The following HECA variants were observed in gnomAD, a reference collection of about 807,000 sequenced individuals.
The protein encoded by HECA is headcase protein homolog.
HECA carries 13 observed loss-of-function variants against 37.6 expected under a neutral mutation model. The ratio of observed to expected loss-of-function variants is 0.35; its 90% CI spans 0.23 to 0.55. HECA has a LOEUF of 0.55. HECA is among the 20% of genes least tolerant of loss of function. The pLI, the probability that HECA is intolerant of heterozygous loss-of-function variation, is 0.90. For missense variants in HECA, 527 were observed against 701.9 expected, an observed-to-expected ratio of 0.75 and a Z score of 2.82; for synonymous variants, 307 against 291.5, an observed-to-expected ratio of 1.05 and a Z score of -0.54.
chr6:139,149,198 C>T (rs1289132816), intron 1 of HECA, among the ~76,000 whole-genome samples: 1 of 152,142 alleles, frequency 6.6e-6, no homozygotes, highest in East Asian at 1.9e-4. Context: ...TCCAGGGAGC[C>T]TTTGTGCCTT....
At chr6:139,155,888 G>T (rs972249587) in intron 1 of HECA, 1 of 152,146 alleles carries the variant, frequency 6.6e-6, no homozygotes, top group Non-Finnish European at 1.5e-5. Context: ...TTCACATTGT[G>T]TGCAAAATTT....
rs560779466 is a variant in HECA, at chr6:139,136,641, G to GA, written c.271+974_271+975insA. 2.1e-5 allele frequency among the ~76,000 whole-genome samples: 3 copies of GA among 142,496 alleles called. No individual in the cohort carries two copies. The East Asian group carries it at 6.0e-4, about 29-fold the overall frequency. 93.5% of individuals were successfully genotyped at this position (142,496 alleles called of 152,430 possible). A position where few individuals can be genotyped will look rare whatever the true frequency, so the allele number is the denominator to read the frequency against. ...TGTAGATCAGGCACTTTTTTGTTTTGTTTTTTTTTTTTTAGACGGAGTTTG... is the reference window on the plus strand; with the variant it reads ...TGTAGATCAGGCACTTTTTTGTTTTGATTTTTTTTTTTTTAGACGGAGTTTG... On this transcript the variant is annotated intron_variant, in intron 1 of 3. Coordinates refer to ENST00000367658, the MANE Select transcript of HECA (RefSeq NM_016217.3).
At chr6:139,166,259 T>C in intron 1 of HECA, 25 bp from the exon 2 acceptor site, 1 of 1,551,120 alleles carries the variant, frequency 6.4e-7, no homozygotes, top group Non-Finnish European at 8.7e-7. Context: ...ATCTGAAATC[T>C]GTTCTCTCTT....
At chr6:139,156,089 G>A (rs1240004503) in intron 1 of HECA, among the ~76,000 whole-genome samples, 1 of 151,934 alleles carries the variant, frequency 6.6e-6, no homozygotes, top group Admixed American at 6.6e-5. Context: ...ATACTAACTT[G>A]TGGCAGTATT....
In HECA at chr6:139,135,492, G is replaced by T; in HGVS notation, c.96G>T (p.Ala32=). ...AAAATGGAGCCGGGGCCCTGGCAGC[G>T]GCGGGCGCGGCGGGAGCGGCGGCCG... is the stretch of plus-strand genomic sequence containing the variant. ...EQENGAGALA[A]AGAAGAAAGG... The change falls in exon 1 of 4, where the codon GCG becomes GCT. Residue 32 remains alanine, a synonymous_variant. Coordinates refer to ENST00000367658, the MANE Select transcript of HECA (RefSeq NM_016217.3). 8.6e-7 allele frequency: 1 copy of T among 1,162,024 alleles called. No individual in the cohort carries two copies. The highest frequency in any genetic ancestry group is 5.6e-5 in the East Asian group (1 of 17,854). 72.0% of individuals were successfully genotyped at this position (1,162,024 alleles called of 1,614,324 possible). A position where few individuals can be genotyped will look rare whatever the true frequency, so the allele number is the denominator to read the frequency against.
chr6:139,165,056 G>A (rs1774864140), intron 1 of HECA, among the ~76,000 whole-genome samples: 1 of 152,148 alleles, frequency 6.6e-6, no homozygotes. Flanking sequence ...TTATGTGCCA[G>A]GTACTGTGCT....
At chr6:139,169,087 G>C (rs1774934716) in intron 2 of HECA, among the ~76,000 whole-genome samples, 1 of 151,982 alleles carries the variant, frequency 6.6e-6, no homozygotes, top group South Asian at 2.1e-4. Context: ...GTACTCTCTT[G>C]GCCCTTTGGC....
chr6:139,136,405 C>G (rs1747672713), intron 1 of HECA, among the ~76,000 whole-genome samples: 1 of 152,102 alleles, frequency 6.6e-6, no homozygotes, highest in Non-Finnish European at 1.5e-5. Flanking sequence ...TAGGAACTGG[C>G]CCAGATGTGA....
chr6:139,138,860 A>G (rs1233858806), intron 1 of HECA, among the ~76,000 whole-genome samples: 2 of 152,190 alleles, frequency 1.3e-5, no homozygotes, highest in African/African-American at 4.8e-5. Context: ...TCTTTTTCCT[A>G]CATAGTAATC....
intron 1 of HECA, among the ~76,000 whole-genome samples, chr6:139,147,138 G>A (rs974802885): frequency 2.0e-5 from 3 of 152,150 alleles, no homozygotes; most frequent in African/African-American, 7.2e-5. Flanking sequence ...AAAAGGCTTG[G>A]CTGTAGGGAA....
chr6:139,141,996 G>A (rs780252113), intron 1 of HECA, among the ~76,000 whole-genome samples: 13 of 130,620 alleles, frequency 1.0e-4, no homozygotes, highest in Admixed American at 9.1e-5. Flanking sequence ...GTGTGATCTC[G>A]TCTCACTGCA....
chr6:139,147,106 A>T (rs1774593925), intron 1 of HECA, among the ~76,000 whole-genome samples: 1 of 152,178 alleles, frequency 6.6e-6, no homozygotes, highest in African/African-American at 2.4e-5. Context: ...TAAGCTTCAG[A>T]GATGGCCTTC....
chr6:139,135,325 G>A lies in HECA; in HGVS notation c.-72G>A. 8.4e-7 allele frequency: 1 copy of A among 1,184,792 alleles called. No individual in the cohort carries two copies. Among genetic ancestry groups the A allele is most frequent in the Non-Finnish European group, 1.1e-6 (1 of 928,846 alleles). The allele number at this position is 1,184,792 out of a possible 1,614,324, so 73.4% of individuals were successfully genotyped here. On this transcript the variant is annotated 5_prime_UTR_variant, in exon 1 of 4. Transcript: ENST00000367658. ...TTTCCCGGAGCCGGCTTCACGCAGG[G>A]CCGGGAACGGCCGTGCCTCTGGGAT... is the stretch of plus-strand genomic sequence containing the variant.
chr6:139,171,848 TG>T (rs1020499162), intron 2 of HECA, among the ~76,000 whole-genome samples: 1 of 151,750 alleles, frequency 6.6e-6, no homozygotes, highest in Admixed American at 6.6e-5. Flanking sequence ...TTTTTTTTTT[TG>T]TGACGGGGTT....
chr6:139,165,567 AC>A (rs549194175), intron 1 of HECA, among the ~76,000 whole-genome samples: 127 of 130,712 alleles, frequency 9.7e-4, no homozygotes, highest in African/African-American at 3.0e-3. Flanking sequence ...CTCATCCCCC[AC>A]CCCCTGTGGC....
rs1315752459 is a variant in HECA, at chr6:139,136,289, AAAG to A, written c.271+625_271+627del. On this transcript the variant is annotated intron_variant, in intron 1 of 3. Coordinates refer to ENST00000367658, the MANE Select transcript of HECA (RefSeq NM_016217.3). ...AGTTAAAAAAAAAAAAAAAAAAAGA[AAAG>A]AAAGAAAAGAAAAATCATTCTCTAT... Among the ~76,000 whole-genome samples the A allele has an allele frequency of 5.9e-5, 9 of 151,764 alleles. No homozygotes were observed. The East Asian group carries it at 1.2e-3, about 20-fold the overall frequency.
chr6:139,143,878 A>G lies in HECA; in HGVS notation c.271+8211A>G, dbSNP rs1345309742. On this transcript the variant is annotated intron_variant, in intron 1 of 3. Transcript: ENST00000367658. ...CTGTCTCAAAAAAAAAAAAAAAAAA[A>G]GAAAGAAAGAAATGCAAGTAAGTTA... Among the ~76,000 whole-genome samples the G allele has an allele frequency of 2.6e-5, 4 of 151,366 alleles. No homozygotes were observed. In the East Asian group the frequency reaches 7.7e-4, roughly 29 times the overall value.
chr6:139,143,041 A>G (rs919682451), intron 1 of HECA, among the ~76,000 whole-genome samples: 4 of 152,220 alleles, frequency 2.6e-5, no homozygotes, highest in Admixed American at 6.5e-5. Flanking sequence ...TGTCTGTATT[A>G]TGATTCTAAT....
rs538222611 is a variant in HECA at position 139,157,614 on chromosome 6, G to A, written c.272-8670G>A. 2.6e-5 allele frequency among the ~76,000 whole-genome samples: 4 copies of A among 152,326 alleles called. No homozygotes were observed. The East Asian group carries it at 5.8e-4, about 22-fold the overall frequency. ...GTTGTGAAGAAGAAATCTACTTCTT[G>A]CCCCTCATAAGCCTAAAGCACACAT... On this transcript the variant is annotated intron_variant, in intron 1 of 3. Transcript: ENST00000367658.
Sources: gnomAD v4.1 joint callset for allele counts (sites outside exome capture counted in the v4.1 genomes callset) on GRCh38, gnomAD v4.1.1 for gene constraint, MANE v1.5 for transcripts, NCBI Gene and HGNC (gene_info 2026-07-23, HGNC 2026-07-21) for gene names.